The following GHR variants were observed in gnomAD, a reference collection of about 807,000 sequenced individuals.
The protein encoded by GHR is GH receptor.
GHR carries 35 observed loss-of-function variants against 67.1 expected under a neutral mutation model. The observed-to-expected ratio is 0.52, with a 90% CI of 0.40 to 0.69. GHR has a LOEUF of 0.69. Among genes scored for constraint, GHR ranks in the 30% least tolerant of loss-of-function variants. The pLI, the probability that GHR is intolerant of heterozygous loss-of-function variation, is 0.00. For synonymous variants in GHR, 272 were observed against 269.1 expected (o/e 1.01, Z -0.10); for missense variants, 792 against 764.6 (o/e 1.04, Z -0.42).
intron 1 of GHR, among the ~76,000 whole-genome samples, chr5:42,458,245 G>A (rs1465570046): frequency 6.6e-6 from 1 of 152,126 alleles, no homozygotes; most frequent in African/African-American, 2.4e-5. Flanking sequence ...CAAGGCTACA[G>A]TAACCAAAAC....
At chr5:42,701,706 C>T (rs559198837) in intron 6 of GHR, among the ~76,000 whole-genome samples, 94 of 152,156 alleles carry the variant, frequency 6.2e-4, no homozygotes, top group African/African-American at 2.2e-3. Context: ...TGTCTCCAAC[C>T]GTGAGCTTGA....
At chr5:42,640,766 A>ATGTG (rs10628675) in intron 3 of GHR, among the ~76,000 whole-genome samples, 9,883 of 151,198 alleles carry the variant, frequency 0.065, 1,047 homozygotes, top group African/African-American at 0.22. Context: ...CATATCATAT[A>ATGTG]TGTGTGTGTG....
rs141622702 is a variant in GHR at position 42,584,337 on chromosome 5, A to G, written c.70+18393A>G. ...AATCTCCAATTACTCCTTTTAGCAGAGGAACATGGCAGGAATGCAGGTAAG... is the reference window on the plus strand; with the variant it reads ...AATCTCCAATTACTCCTTTTAGCAGGGGAACATGGCAGGAATGCAGGTAAG... On this transcript the variant is annotated intron_variant, in intron 2 of 9. Coordinates refer to ENST00000230882, the MANE Select transcript of GHR (RefSeq NM_000163.5). 3.6e-3 allele frequency among the ~76,000 whole-genome samples: 555 copies of G among 152,320 alleles called. 3 individuals carry two copies. The highest frequency in any genetic ancestry group is 6.8e-3 in the Middle Eastern group (2 of 294).
intron 1 of GHR, among the ~76,000 whole-genome samples, chr5:42,469,623 A>G (rs927803008): frequency 6.6e-6 from 1 of 152,166 alleles, no homozygotes; most frequent in Non-Finnish European, 1.5e-5. Context: ...CCCTGACAGC[A>G]GGACCAGCCA....
intron 3 of GHR, among the ~76,000 whole-genome samples, chr5:42,632,714 C>T (rs1753988660): frequency 6.6e-6 from 1 of 152,090 alleles, no homozygotes; most frequent in Non-Finnish European, 1.5e-5. Context: ...TACGTGGTAG[C>T]AGCATACTCC....
At chr5:42,667,478 C>T (rs1756048733) in intron 3 of GHR, among the ~76,000 whole-genome samples, 1 of 151,994 alleles carries the variant, frequency 6.6e-6, no homozygotes, top group Admixed American at 6.6e-5. Flanking sequence ...ATAAGTGGTC[C>T]CCAATGTTGG....
At chr5:42,655,113 C>T (rs72561783) in intron 3 of GHR, among the ~76,000 whole-genome samples, 3,238 of 152,212 alleles carry the variant, frequency 0.021, 99 homozygotes, top group African/African-American at 0.071. Flanking sequence ...TAGGAATTCT[C>T]TTGCTTTATG....
At chr5:42,550,729 G>T (rs182909713) in intron 1 of GHR, among the ~76,000 whole-genome samples, 1 of 152,234 alleles carries the variant, frequency 6.6e-6, no homozygotes, top group East Asian at 1.9e-4. Context: ...CCACCGATGG[G>T]GGAAGCTGGA....
chr5:42,558,220 T>C (rs1007465340), intron 1 of GHR, among the ~76,000 whole-genome samples: 2 of 152,194 alleles, frequency 1.3e-5, no homozygotes, highest in Non-Finnish European at 2.9e-5. Flanking sequence ...CAATCACACC[T>C]AAGTCACCTA....
chr5:42,718,636 C>A lies in GHR; in HGVS notation c.1129C>A (p.Leu377Ile). ...TGACCATGAGAAATCACATAGTAACCTAGGGGTGAAGGATGGCGACTCTGG... is the reference window on the plus strand; with the variant it reads ...TGACCATGAGAAATCACATAGTAACATAGGGGTGAAGGATGGCGACTCTGG... ...SSDHEKSHSNLGVKDGDSGRT... is the reference protein window; with the variant it reads ...SSDHEKSHSNIGVKDGDSGRT... The change falls in exon 10 of 10, where the codon CTA becomes ATA. Residue 377 changes from leucine to isoleucine, a missense_variant. Transcript: ENST00000230882. 1.2e-6 allele frequency: 2 copies of A among 1,614,032 alleles called. No individual in the cohort carries two copies. Among genetic ancestry groups the A allele is most frequent in the Non-Finnish European group, 1.7e-6 (2 of 1,179,952 alleles).
chr5:42,500,330 C>A (rs184512318), intron 1 of GHR, among the ~76,000 whole-genome samples: 1 of 152,350 alleles, frequency 6.6e-6, no homozygotes, highest in East Asian at 1.9e-4. Context: ...TCTGTAGCTG[C>A]GGTTAAAACA....
chr5:42,701,718 A>G (rs1438328287), intron 6 of GHR, among the ~76,000 whole-genome samples: 1 of 152,184 alleles, frequency 6.6e-6, no homozygotes, highest in Non-Finnish European at 1.5e-5. Context: ...TGAGCTTGAT[A>G]GTGTTTTAAT....
Position 42,594,495 on chromosome 5 carries a change from A to G in GHR, c.70+28551A>G, listed in dbSNP as rs139768987. On this transcript the variant is annotated intron_variant, in intron 2 of 9. Coordinates refer to ENST00000230882, the MANE Select transcript of GHR (RefSeq NM_000163.5). ...GCATCTTTCTTAAAATGTGAAGACT[A>G]CATTGGATATATTATTAAAATAATG... 2.0e-3 allele frequency among the ~76,000 whole-genome samples: 297 copies of G among 152,282 alleles called. 6 individuals are homozygous for G. Among genetic ancestry groups the G allele is most frequent in the East Asian group, 1.3e-3 (7 of 5,186 alleles).
intron 1 of GHR, among the ~76,000 whole-genome samples, chr5:42,459,136 C>G (rs1561315309): frequency 1.3e-5 from 2 of 152,042 alleles, no homozygotes; most frequent in South Asian, 4.2e-4. Context: ...ACCATTAGAC[C>G]CAATAATCCC....
intron 2 of GHR, among the ~76,000 whole-genome samples, chr5:42,606,973 G>C (rs1167635192): frequency 1.3e-5 from 2 of 152,052 alleles, no homozygotes; most frequent in Non-Finnish European, 2.9e-5. Flanking sequence ...TTATGGTTTG[G>C]CTCTGTGTCC....
At position 42,504,739 on chromosome 5, in the gene GHR, C is replaced by T. The variant is rs545382667; in HGVS notation, c.-11-61125C>T. 9.9e-5 allele frequency among the ~76,000 whole-genome samples: 15 copies of T among 152,104 alleles called. No individual in the cohort carries two copies. In the East Asian group the frequency reaches 2.7e-3, roughly 27 times the overall value. On this transcript the variant is annotated intron_variant, in intron 1 of 9. Coordinates refer to ENST00000230882, the MANE Select transcript of GHR (RefSeq NM_000163.5). ...GCACCACTGCACTCCAGCCTGAGAA[C>T]GGAGCGAGATTCCGTCTCAAAATAA...
At chr5:42,665,556 T>C (rs1000947339) in intron 3 of GHR, among the ~76,000 whole-genome samples, 1 of 149,704 alleles carries the variant, frequency 6.7e-6, no homozygotes, top group African/African-American at 2.5e-5. Context: ...TGAGAACACA[T>C]GGACACAGGA....
At chr5:42,486,052 A>G (rs1745865308) in intron 1 of GHR, among the ~76,000 whole-genome samples, 1 of 152,200 alleles carries the variant, frequency 6.6e-6, no homozygotes, top group Non-Finnish European at 1.5e-5. Context: ...GACTTTTCCC[A>G]GGAATTCTGA....
At chr5:42,520,818 T>C (rs1747440755) in intron 1 of GHR, among the ~76,000 whole-genome samples, 1 of 152,116 alleles carries the variant, frequency 6.6e-6, no homozygotes, top group South Asian at 2.1e-4. Flanking sequence ...CCCTCAGACT[T>C]TGACATAGCA....
Sources: gnomAD v4.1 joint callset for allele counts (sites outside exome capture counted in the v4.1 genomes callset) on GRCh38, gnomAD v4.1.1 for gene constraint, MANE v1.5 for transcripts, NCBI Gene and HGNC (gene_info 2026-07-23, HGNC 2026-07-21) for gene names.